Variants in PSD3 observed in about 807,000 individuals in gnomAD.
The protein encoded by PSD3 is PH and SEC7 domain-containing protein 3.
A neutral mutation model predicts 105.5 loss-of-function variants in PSD3; 49 were observed. The observed-to-expected ratio is 0.46, with a 90% CI of 0.37 to 0.59. The LOEUF is 0.59. Among genes scored for constraint, PSD3 ranks in the 20% least tolerant of loss-of-function variants. The pLI, the probability that PSD3 is intolerant of heterozygous loss-of-function variation, is 0.00. For missense variants in PSD3, 1,561 were observed against 1,263.8 expected, an observed-to-expected ratio of 1.24 and a Z score of -3.57; for synonymous variants, 557 against 457.8, an observed-to-expected ratio of 1.22 and a Z score of -2.77.
intron 4 of PSD3, among the ~76,000 whole-genome samples, chr8:18,851,943 A>C (rs1304272670): frequency 1.3e-5 from 2 of 152,206 alleles, no homozygotes; most frequent in African/African-American, 4.8e-5. Context: ...TAAAACCCAT[A>C]AGGATGACAG....
intron 2 of PSD3, among the ~76,000 whole-genome samples, chr8:18,929,278 A>G (rs923301332): frequency 1.3e-5 from 2 of 152,052 alleles, no homozygotes; most frequent in Non-Finnish European, 2.9e-5. Context: ...ATAACCATAG[A>G]CAAAATAACC....
rs567641182 is a variant in PSD3 at position 18,841,301 on chromosome 8, G to A, written c.1634+26373C>T. Among the ~76,000 whole-genome samples, 14 of 152,268 alleles carry A rather than the reference G, an allele frequency of 9.2e-5. No homozygotes were observed. In the South Asian group the frequency reaches 1.0e-3, roughly 11 times the overall value. On this transcript the variant is annotated intron_variant, in intron 4 of 15. Transcript: ENST00000327040. ...AAAAAGTCTGTTGTGTATTCTCAGC[G>A]AGGGCAGCCCACTAAAACACAGCAC...
chr8:18,624,655 G>C (rs1356699350), intron 11 of PSD3, among the ~76,000 whole-genome samples: 1 of 146,230 alleles, frequency 6.8e-6, no homozygotes, highest in Non-Finnish European at 1.5e-5. Flanking sequence ...CCTGCACATT[G>C]TGCACATGTA....
chr8:18,809,002 C>T (rs1172528873), intron 4 of PSD3: 2 of 1,172,236 alleles, frequency 1.7e-6, no homozygotes, highest in South Asian at 3.8e-5. Flanking sequence ...GCAGCCAGAA[C>T]ACAAGGGCCA....
At chr8:18,599,337 G>A (rs569908920) in intron 12 of PSD3, among the ~76,000 whole-genome samples, 1 of 152,136 alleles carries the variant, frequency 6.6e-6, no homozygotes, top group Non-Finnish European at 1.5e-5. Flanking sequence ...AAACCATATG[G>A]AGTTTCTTCA....
intron 1 of PSD3, among the ~76,000 whole-genome samples, chr8:18,984,124 A>T (rs1217668389): frequency 6.6e-6 from 1 of 151,410 alleles, no homozygotes; most frequent in Non-Finnish European, 1.5e-5. Flanking sequence ...AGAGACACAA[A>T]GTGAGCACAG....
chr8:18,646,339 T>A (rs1175889691), intron 10 of PSD3, among the ~76,000 whole-genome samples: 3 of 152,188 alleles, frequency 2.0e-5, no homozygotes, highest in Non-Finnish European at 4.4e-5. Flanking sequence ...TTTATATATC[T>A]ATATTCACTA....
At chr8:18,774,742 C>T (rs890775122) in intron 8 of PSD3, 40 of 367,532 alleles carry the variant, frequency 1.1e-4, no homozygotes, top group South Asian at 4.5e-4. Flanking sequence ...TGGCTAATGA[C>T]GGTGAGAACA....
chr8:18,650,745 A>G (rs1183894991), intron 10 of PSD3, among the ~76,000 whole-genome samples: 3 of 152,230 alleles, frequency 2.0e-5, no homozygotes, highest in Non-Finnish European at 4.4e-5. Flanking sequence ...ACTTAAGGAA[A>G]AACTCTAGTA....
At chr8:18,581,721 C>T (rs931672120) in intron 12 of PSD3, among the ~76,000 whole-genome samples, 1 of 152,214 alleles carries the variant, frequency 6.6e-6, no homozygotes, top group East Asian at 1.9e-4. Context: ...ACTAGCCATT[C>T]ATTGCATAAT....
In PSD3 at chr8:18,931,861, T is replaced by A. The variant is rs1032335676; in HGVS notation, c.130+4173A>T. Among the ~76,000 whole-genome samples the A allele has an allele frequency of 1.4e-4, 21 of 152,184 alleles. 1 individual carries two copies. Among genetic ancestry groups the A allele is most frequent in the Non-Finnish European group, 2.9e-5 (2 of 68,030 alleles). ...TCAAGGGAGTGGGGTGATGTGACTT[T>A]TACGTCTTTCCAATCTGAGAGTTGG... On this transcript the variant is annotated intron_variant, in intron 2 of 15. Transcript: ENST00000327040.
intron 9 of PSD3, among the ~76,000 whole-genome samples, chr8:18,753,889 A>T (rs979485898): frequency 6.6e-6 from 1 of 152,138 alleles, no homozygotes; most frequent in Non-Finnish European, 1.5e-5. Context: ...TACTGACGAC[A>T]CAGATTTGAC....
chr8:18,915,263 G>A (rs774126706), intron 2 of PSD3, among the ~76,000 whole-genome samples: 1 of 152,052 alleles, frequency 6.6e-6, no homozygotes, highest in Non-Finnish European at 1.5e-5. Context: ...AGGAAAAAAG[G>A]CTTCTTGACA....
intron 8 of PSD3, among the ~76,000 whole-genome samples, chr8:18,776,508 C>G (rs533776694): frequency 6.6e-6 from 1 of 151,748 alleles, no homozygotes; most frequent in African/African-American, 2.4e-5. Flanking sequence ...CTCAGCTTCC[C>G]GAGTTGCTGG....
intron 1 of PSD3, among the ~76,000 whole-genome samples, chr8:19,031,757 A>G (rs1162625400): frequency 1.3e-5 from 2 of 152,166 alleles, no homozygotes; most frequent in Admixed American, 6.5e-5. Context: ...ATGTATGTTA[A>G]CTAAATAGGG....
chr8:18,822,558 G>A (rs1452463842), intron 4 of PSD3, among the ~76,000 whole-genome samples: 1 of 152,202 alleles, frequency 6.6e-6, no homozygotes, highest in South Asian at 2.1e-4. Context: ...GTGATGTCCT[G>A]TGTCAAACTG....
intron 4 of PSD3, among the ~76,000 whole-genome samples, chr8:18,860,259 C>T (rs1382695700): frequency 1.3e-5 from 2 of 151,840 alleles, no homozygotes; most frequent in African/African-American, 2.4e-5. Context: ...GTTTATGGGG[C>T]CCCAAAACAA....
Position 18,801,167 on chromosome 8 carries a change from G to C in PSD3, c.2023+103C>G, listed in dbSNP as rs192921072. On this transcript the variant is annotated intron_variant, in intron 7 of 15. Coordinates refer to ENST00000327040, the MANE Select transcript of PSD3 (RefSeq NM_015310.4). ...ACAGAAGTGTTAATAGTTATCACTA[G>C]GTAACTGAAGATACATAATTTCTCA... The C allele has an allele frequency of 2.9e-4, 189 of 649,110 alleles. No individual in the cohort carries two copies. In the African/African-American group the frequency reaches 3.1e-3, roughly 11 times the overall value. 40.2% of individuals were successfully genotyped at this position (649,110 alleles called of 1,614,324 possible). A position where few individuals can be genotyped will look rare whatever the true frequency, so the allele number is the denominator to read the frequency against.
intron 11 of PSD3, 146 bp downstream of exon 11, chr8:18,632,467 T>G: frequency 1.2e-6 from 1 of 833,522 alleles, no homozygotes; most frequent in Non-Finnish European, 1.8e-6. Flanking sequence ...ATTTTTAATT[T>G]AGGGTTAGAG....
Sources: allele counts gnomAD v4.1 joint callset (sites outside exome capture counted in the v4.1 genomes callset), GRCh38; gene constraint gnomAD v4.1.1; transcripts MANE v1.5; gene names NCBI Gene and HGNC (gene_info 2026-07-23, HGNC 2026-07-21).